The following UBAC2 variants were observed in gnomAD, a reference collection of about 807,000 sequenced individuals.
The protein encoded by UBAC2 is UBA domain containing 2.
A neutral mutation model predicts 44.0 loss-of-function variants in UBAC2; 26 were observed. The observed-to-expected ratio is 0.59, with a 90% confidence interval of 0.43 to 0.82. The LOEUF is 0.82. Among genes scored for constraint, UBAC2 ranks in the 40% least tolerant of loss-of-function variants. UBAC2 has a pLI of 0.00. For synonymous variants in UBAC2, 155 were observed against 154.3 expected (o/e 1.00, Z -0.04); for missense variants, 329 against 419.4 (o/e 0.78, Z 1.88).
chr13:99,271,154 G>A (rs1396492405), intron 4 of UBAC2, among the ~76,000 whole-genome samples: 1 of 152,136 alleles, frequency 6.6e-6, no homozygotes, highest in Non-Finnish European at 1.5e-5. Flanking sequence ...ATAAAAATTT[G>A]TAATATATAT....
chr13:99,263,091 T>G (rs1303942669), intron 4 of UBAC2, among the ~76,000 whole-genome samples: 2 of 152,202 alleles, frequency 1.3e-5, no homozygotes, highest in Non-Finnish European at 2.9e-5. Flanking sequence ...GATTGTATGT[T>G]CTTTCTGTAT....
intron 4 of UBAC2, among the ~76,000 whole-genome samples, chr13:99,309,007 T>A (rs747199458): frequency 1.2e-4 from 18 of 152,076 alleles, no homozygotes; most frequent in Non-Finnish European, 2.1e-4. Flanking sequence ...TCTGGTGGGG[T>A]TTTGCCTGTT....
chr13:99,383,309 G>T (rs761263414), intron 8 of UBAC2, among the ~76,000 whole-genome samples: 3 of 152,256 alleles, frequency 2.0e-5, no homozygotes, highest in Non-Finnish European at 4.4e-5. Context: ...GTCTAGGACA[G>T]TACATATCTC....
rs555070771 is a variant in UBAC2 at position 99,242,723 on chromosome 13, G to T, written c.160-1109G>T. Reference sequence around the variant, plus strand: ...CCCTCCCCGACGGGGCGGCTGGCCTGGCCGGGGCTGACCCCCACCTCTCTC... The same window carrying T: ...CCCTCCCCGACGGGGCGGCTGGCCTTGCCGGGGCTGACCCCCACCTCTCTC... On this transcript the variant is annotated intron_variant, in intron 2 of 8. Transcript: ENST00000403766. Among the ~76,000 whole-genome samples the T allele has an allele frequency of 1.7e-3, 230 of 137,626 alleles. 3 individuals are homozygous for T. Among genetic ancestry groups the T allele is most frequent in the Non-Finnish European group, 2.6e-3 (164 of 63,536 alleles). 90.3% of individuals were successfully genotyped at this position (137,626 alleles called of 152,430 possible). A position where few individuals can be genotyped will look rare whatever the true frequency, so the allele number is the denominator to read the frequency against.
intron 4 of UBAC2, among the ~76,000 whole-genome samples, chr13:99,253,371 T>C (rs2043484527): frequency 6.6e-6 from 1 of 152,126 alleles, no homozygotes; most frequent in Non-Finnish European, 1.5e-5. Flanking sequence ...CAGACCTCAG[T>C]TTTTTATATT....
intron 1 of UBAC2, among the ~76,000 whole-genome samples, chr13:99,222,278 G>C (rs1010538550): frequency 2.0e-5 from 3 of 152,188 alleles, no homozygotes; most frequent in Non-Finnish European, 4.4e-5. Context: ...ACGATGGAAG[G>C]CCACTCTGAG....
At chr13:99,254,956 T>C in intron 4 of UBAC2, 1 of 1,614,038 alleles carries the variant, frequency 6.2e-7, no homozygotes, top group Non-Finnish European at 8.5e-7. Context: ...GCTTCGAAGG[T>C]AATTACGGTA....
At chr13:99,312,121 G>A (rs1998475) in intron 4 of UBAC2, among the ~76,000 whole-genome samples, 126,984 of 152,230 alleles carry the variant, frequency 0.83, 53,303 homozygotes, top group Middle Eastern at 0.92. Flanking sequence ...TGTGTGTGTT[G>A]TATTTTGGTT....
intron 8 of UBAC2, among the ~76,000 whole-genome samples, chr13:99,371,379 G>T (rs1002283591): frequency 5.3e-5 from 8 of 152,106 alleles, no homozygotes; most frequent in Non-Finnish European, 1.2e-4. Flanking sequence ...GCAAATAGCT[G>T]TTATAAACCA....
intron 1 of UBAC2, among the ~76,000 whole-genome samples, chr13:99,219,416 A>G (rs761521184): frequency 2.6e-5 from 4 of 152,224 alleles, no homozygotes; most frequent in Admixed American, 6.5e-5. Context: ...TGCAATTAAC[A>G]GCAACCACAA....
At position 99,373,649 on chromosome 13, in the gene UBAC2, T is replaced by C. The variant is rs372194157; in HGVS notation, c.927+5743T>C. On this transcript the variant is annotated intron_variant, in intron 8 of 8. Transcript: ENST00000403766. ...AAGAAAGGCCGTCAGGGCAGTGGTG[T>C]TGCAGAGGAGGGGCCTGAAGACAAG... Among the ~76,000 whole-genome samples, 6 of 152,264 alleles carry C rather than the reference T, an allele frequency of 3.9e-5. No homozygotes were observed. In the East Asian group the frequency reaches 7.7e-4, roughly 20 times the overall value.
chr13:99,254,563 T>C (rs2043505838), intron 4 of UBAC2, among the ~76,000 whole-genome samples: 1 of 152,112 alleles, frequency 6.6e-6, no homozygotes, highest in African/African-American at 2.4e-5. Flanking sequence ...AGATAGAAAA[T>C]AATTTAATCA....
rs573571227 is a variant in UBAC2 at position 99,219,481 on chromosome 13, A to G, written c.31+18542A>G. On this transcript the variant is annotated intron_variant, in intron 1 of 8. Transcript: ENST00000403766. ...AAAGAAACGGAGTGCCCATTAAGCC[A>G]GGCTTGTCCACCCTGCAGCCCATGG... Among the ~76,000 whole-genome samples, 4 of 152,332 alleles carry G rather than the reference A, an allele frequency of 2.6e-5. No individual in the cohort carries two copies. The South Asian group carries it at 8.3e-4, about 32-fold the overall frequency.
chr13:99,381,193 G>A (rs1566531637), intron 8 of UBAC2, among the ~76,000 whole-genome samples: 1 of 152,248 alleles, frequency 6.6e-6, no homozygotes, highest in South Asian at 2.1e-4. Flanking sequence ...GGCAGGGCCT[G>A]CATGCAGTCC....
chr13:99,260,340 A>G (rs1324604060), intron 4 of UBAC2, among the ~76,000 whole-genome samples: 1 of 152,134 alleles, frequency 6.6e-6, no homozygotes, highest in East Asian at 1.9e-4. Context: ...CATGTGTTGC[A>G]TATGTGTGTA....
Position 99,378,179 on chromosome 13 carries a change from A to G in UBAC2, c.928-7049A>G, listed in dbSNP as rs139660300. On this transcript the variant is annotated intron_variant, in intron 8 of 8. Transcript: ENST00000403766. ...ACCTTGACTCAGAACCATCTCAGCTATTTCACCATGGGTCAGTTAATGAAC... is the reference window on the plus strand; with the variant it reads ...ACCTTGACTCAGAACCATCTCAGCTGTTTCACCATGGGTCAGTTAATGAAC... Among the ~76,000 whole-genome samples the G allele has an allele frequency of 2.5e-3, 386 of 152,194 alleles. 1 individual carries two copies. Among genetic ancestry groups the G allele is most frequent in the Non-Finnish European group, 4.3e-3 (295 of 68,002 alleles).
intron 6 of UBAC2, among the ~76,000 whole-genome samples, chr13:99,333,428 C>T (rs1482920029): frequency 6.6e-6 from 1 of 152,174 alleles, no homozygotes; most frequent in Non-Finnish European, 1.5e-5. Flanking sequence ...CATAACTTTC[C>T]AATTTCCTTT....
chr13:99,291,740 ACACGT>A, intron 4 of UBAC2, among the ~76,000 whole-genome samples: 1 of 152,370 alleles, frequency 6.6e-6, no homozygotes, highest in Admixed American at 6.5e-5. Context: ...CTTCAGTTAC[ACACGT>A]GCTCTAGCAT....
intron 5 of UBAC2, among the ~76,000 whole-genome samples, chr13:99,316,217 C>T (rs2044487106): frequency 1.3e-5 from 2 of 152,082 alleles, no homozygotes; most frequent in Non-Finnish European, 2.9e-5. Context: ...AGGTCCTTAG[C>T]ATGAATGGCA....
Sources: allele counts gnomAD v4.1 joint callset (sites outside exome capture counted in the v4.1 genomes callset), GRCh38; gene constraint gnomAD v4.1.1; transcripts MANE v1.5; gene names NCBI Gene and HGNC (gene_info 2026-07-23, HGNC 2026-07-21).